The following FRMD4A variants were observed in gnomAD, a reference collection of about 807,000 sequenced individuals.
FRMD4A encodes FERM domain containing 4A, also known as FERM domain-containing protein 4A.
FRMD4A carries 29 observed loss-of-function variants against 129.1 expected under a neutral mutation model. The ratio of observed to expected loss-of-function variants is 0.22; its 90% CI spans 0.17 to 0.31. FRMD4A has a LOEUF of 0.31. FRMD4A is among the 10% of genes least tolerant of loss of function. The pLI, the probability that FRMD4A is intolerant of heterozygous loss-of-function variation, is 1.00. For synonymous variants in FRMD4A, 634 were observed against 571.6 expected (o/e 1.11, Z -1.56); for missense variants, 1,272 against 1,375.8 (o/e 0.92, Z 1.19).
chr10:14,153,297 C>G (rs1438513817), intron 2 of FRMD4A, among the ~76,000 whole-genome samples: 2 of 152,230 alleles, frequency 1.3e-5, no homozygotes, highest in Admixed American at 6.5e-5. Flanking sequence ...ACTTGCTCCA[C>G]ATGGATGCTA....
At chr10:14,179,697 A>C (rs770943796) in intron 2 of FRMD4A, among the ~76,000 whole-genome samples, 2 of 152,254 alleles carry the variant, frequency 1.3e-5, no homozygotes, top group African/African-American at 2.4e-5. Context: ...TATAGCGATT[A>C]ACATTCTTTC....
At chr10:13,793,533 G>A (rs529330680) in intron 5 of FRMD4A, among the ~76,000 whole-genome samples, 1 of 152,236 alleles carries the variant, frequency 6.6e-6, no homozygotes, top group East Asian at 1.9e-4. Flanking sequence ...CATGTGGTAT[G>A]TAGATGTAAT....
intron 2 of FRMD4A, among the ~76,000 whole-genome samples, chr10:13,928,540 A>T (rs771246260): frequency 6.6e-5 from 10 of 152,230 alleles, no homozygotes; most frequent in Non-Finnish European, 1.5e-4. Context: ...AAAGACCCTT[A>T]CTAGAAGACT....
intron 2 of FRMD4A, among the ~76,000 whole-genome samples, chr10:14,028,388 C>T (rs180851727): frequency 6.6e-6 from 1 of 152,156 alleles, no homozygotes; most frequent in African/African-American, 2.4e-5. Flanking sequence ...GAATGTAGAG[C>T]GTAACTCCTT....
At chr10:13,993,110 C>T (rs753849562) in intron 2 of FRMD4A, among the ~76,000 whole-genome samples, 7 of 152,112 alleles carry the variant, frequency 4.6e-5, no homozygotes, top group Non-Finnish European at 7.4e-5. Context: ...TTGCCTTATC[C>T]GGCAAGAGAC....
At chr10:13,919,757 G>T (rs1430494325) in intron 2 of FRMD4A, among the ~76,000 whole-genome samples, 2 of 152,060 alleles carry the variant, frequency 1.3e-5, no homozygotes, top group Non-Finnish European at 2.9e-5. Flanking sequence ...GGCCAACATG[G>T]TGAAACCCTG....
chr10:13,780,339 A>AAAG (rs1554893646), intron 6 of FRMD4A, among the ~76,000 whole-genome samples: 2 of 151,718 alleles, frequency 1.3e-5, no homozygotes, highest in Non-Finnish European at 2.9e-5. Context: ...AAAAAAAAAA[A>AAAG]ATGTTCTTTT....
chr10:14,084,938 C>T (rs1836173292), intron 2 of FRMD4A, among the ~76,000 whole-genome samples: 1 of 152,202 alleles, frequency 6.6e-6, no homozygotes, highest in Non-Finnish European at 1.5e-5. Flanking sequence ...CGTGGCTTGT[C>T]TCCTACTCTT....
At chr10:14,208,320 T>C (rs1322281087) in intron 2 of FRMD4A, among the ~76,000 whole-genome samples, 1 of 152,160 alleles carries the variant, frequency 6.6e-6, no homozygotes, top group African/African-American at 2.4e-5. Flanking sequence ...AAGTGTGTTG[T>C]TCAGGGTGCC....
chr10:14,308,653 T>C (rs1024214002), intron 2 of FRMD4A, among the ~76,000 whole-genome samples: 29 of 152,356 alleles, frequency 1.9e-4, no homozygotes, highest in African/African-American at 6.7e-4. Flanking sequence ...TCCAGTTTAA[T>C]GACAAGAGCA....
rs10695622 is a variant in FRMD4A at position 13,657,788 on chromosome 10, G to GTTTTTTTT, written c.2067-274_2067-267dup. ...CTCACAGAAAGGTTTCGATTTCTGG[G>GTTTTTTTT]TTTTTTTTTTTTTTTAAATAATTCT... On this transcript the variant is annotated intron_variant, in intron 21 of 24. Transcript: ENST00000357447. Among the ~76,000 whole-genome samples, 300 of 143,314 alleles carry GTTTTTTTT rather than the reference G, an allele frequency of 2.1e-3. 2 individuals carry two copies. The highest frequency in any genetic ancestry group is 0.016 in the South Asian group (71 of 4,534). The allele number at this position is 143,314 out of a possible 152,430, so 94.0% of individuals were successfully genotyped here. A position where few individuals can be genotyped will look rare whatever the true frequency, so the allele number is the denominator to read the frequency against.
intron 2 of FRMD4A, among the ~76,000 whole-genome samples, chr10:13,934,428 A>T (rs1020520613): frequency 3.3e-5 from 5 of 152,218 alleles, no homozygotes; most frequent in Admixed American, 3.3e-4. Flanking sequence ...TTATAGCTGA[A>T]AAAGCAGGGG....
intron 2 of FRMD4A, among the ~76,000 whole-genome samples, chr10:14,220,198 T>C (rs1843203718): frequency 6.6e-6 from 1 of 152,168 alleles, no homozygotes; most frequent in Admixed American, 6.5e-5. Flanking sequence ...CAACATATCA[T>C]CGTACTCAAA....
intron 4 of FRMD4A, among the ~76,000 whole-genome samples, chr10:13,799,619 G>A (rs1466385747): frequency 2.6e-5 from 4 of 152,142 alleles, no homozygotes; most frequent in African/African-American, 9.7e-5. Context: ...CTTCTCTTGG[G>A]GCTCAGCCTC....
chr10:14,111,744 T>A (rs1198344705), intron 2 of FRMD4A, among the ~76,000 whole-genome samples: 1 of 151,760 alleles, frequency 6.6e-6, no homozygotes, highest in East Asian at 1.9e-4. Flanking sequence ...AGAGATTAGG[T>A]AAATATATTT....
chr10:14,316,870 G>A (rs796299519), intron 2 of FRMD4A, among the ~76,000 whole-genome samples: 4 of 152,316 alleles, frequency 2.6e-5, no homozygotes, highest in African/African-American at 9.6e-5. Context: ...CTAAAGAAGT[G>A]TCCTGTTTTA....
chr10:13,712,196 C>G (rs1357939600), intron 12 of FRMD4A: 1 of 152,218 alleles, frequency 6.6e-6, no homozygotes, highest in Non-Finnish European at 1.5e-5. Context: ...TTTCCATACT[C>G]CAAAGACTAA....
chr10:13,657,485 C>G lies in FRMD4A; in HGVS notation c.2104G>C (p.Ala702Pro). 2 of 1,606,906 alleles carry G rather than the reference C, an allele frequency of 1.2e-6. No homozygotes were observed. Among genetic ancestry groups the G allele is most frequent in the Non-Finnish European group, 1.7e-6 (2 of 1,178,792 alleles). Reference protein sequence around the residue: ...DISPTRLHSLALHFRHRSSSL... With the variant: ...DISPTRLHSLPLHFRHRSSSL... ...GAGCTCCGGTGCCTAAAGTGCAGTGCGAGGCTGTGCAGTCGGGTGGGGCTG... is the reference window on the plus strand; with the variant it reads ...GAGCTCCGGTGCCTAAAGTGCAGTGGGAGGCTGTGCAGTCGGGTGGGGCTG... Residue 702 changes from alanine (A) to proline (P), a missense_variant, in exon 22 of 25, where the codon GCA (alanine) becomes CCA (proline). Around this residue, in one of 2 missense-constraint regions of FRMD4A, gnomAD observed 972 missense variants for 892.3 expected, o/e 1.09. Transcript: ENST00000357447.
At chr10:13,793,674 A>T (rs2093052116) in intron 5 of FRMD4A, among the ~76,000 whole-genome samples, 1 of 152,174 alleles carries the variant, frequency 6.6e-6, no homozygotes, top group African/African-American at 2.4e-5. Context: ...TTAGAAACAC[A>T]CTGGAAAGGT....
Sources: gnomAD v4.1 joint callset for allele counts (sites outside exome capture counted in the v4.1 genomes callset) on GRCh38, gnomAD v4.1.1 for gene constraint, gnomAD v4.1.1 regional missense constraint, MANE v1.5 for transcripts, NCBI Gene and HGNC (gene_info 2026-07-23, HGNC 2026-07-21) for gene names.